The following LMNB2 variants were observed in gnomAD, a reference collection of about 807,000 sequenced individuals.
The protein encoded by LMNB2 is lamin B2.
LMNB2 carries 17 observed loss-of-function variants against 69.3 expected under a neutral mutation model. The observed-to-expected ratio is 0.25, with a 90% confidence interval of 0.17 to 0.37. The LOEUF (loss-of-function observed/expected upper bound fraction) is 0.37, where lower values mean the gene tolerates loss of function less well. Among genes scored for constraint, LMNB2 ranks in the 10% least tolerant of loss-of-function variants. The pLI, the probability that LMNB2 is intolerant of heterozygous loss-of-function variation, is 1.00. For synonymous variants in LMNB2, 397 were observed against 389.3 expected (o/e 1.02, Z -0.23); for missense variants, 789 against 883.6 (o/e 0.89, Z 1.36).
intron 1 of LMNB2, among the ~76,000 whole-genome samples, chr19:2,455,620 G>A (rs1423568028): frequency 6.6e-6 from 1 of 151,836 alleles, no homozygotes; most frequent in Non-Finnish European, 1.5e-5. Flanking sequence ...CTCAGGACAC[G>A]GAAGATCTCC....
rs981107632 is a variant in LMNB2, at chr19:2,453,906, C to A, written c.264+2764G>T. ...CCCTGCACGCCACGGGTCCAGCAGG[C>A]GGCCTCTAAGTTGGGACAACTCCGC... is the stretch of plus-strand genomic sequence containing the variant. On this transcript the variant is annotated intron_variant, in intron 1 of 11. Coordinates refer to ENST00000325327, the MANE Select transcript of LMNB2 (RefSeq NM_032737.4). This position sits in a 1 kb window ranked among gnomAD's most constrained non-coding sequence, Gnocchi z 4.4. Among the ~76,000 whole-genome samples, 1 of 152,172 alleles carries A rather than the reference C, an allele frequency of 6.6e-6. No homozygotes were observed. Among genetic ancestry groups the A allele is most frequent in the Non-Finnish European group, 1.5e-5 (1 of 68,026 alleles).
chr19:2,431,102 C>G lies in LMNB2; in HGVS notation c.1822-150G>C, dbSNP rs188023321. 115 of 701,906 alleles carry G rather than the reference C, an allele frequency of 1.6e-4. No individual in the cohort carries two copies. The African/African-American group carries it at 1.9e-3, about 12-fold the overall frequency. The allele number at this position is 701,906 out of a possible 1,614,324, so 43.5% of individuals were successfully genotyped here. ...AGCCTTCCATTCCACTTCCATGTCC[C>G]CATGAGCCCGCCTGTGAGCTACACA... On this transcript the variant is annotated intron_variant, in intron 11 of 11. Transcript: ENST00000325327.
At position 2,453,755 on chromosome 19, in the gene LMNB2, C is replaced by T. The variant is rs747099453; in HGVS notation, c.264+2915G>A. On this transcript the variant is annotated intron_variant, in intron 1 of 11. Transcript: ENST00000325327. This position sits in a 1 kb window ranked among gnomAD's most constrained non-coding sequence, Gnocchi z 4.4. Reference sequence around the variant, plus strand: ...GCACAGGGCCGGTCCAATGGGGCGTCCAGTGGGGCTGGGGCTGGTACCTCC... The same window carrying T: ...GCACAGGGCCGGTCCAATGGGGCGTTCAGTGGGGCTGGGGCTGGTACCTCC... Among the ~76,000 whole-genome samples, 3 of 152,248 alleles carry T rather than the reference C, an allele frequency of 2.0e-5. No homozygotes were observed. The highest frequency in any genetic ancestry group is 4.4e-5 in the Non-Finnish European group (3 of 68,004).
At position 2,431,765 on chromosome 19, in the gene LMNB2, C is replaced by CA. The variant is rs770512914; in HGVS notation, c.1710+17dup. 1 of 1,613,516 alleles carries CA rather than the reference C, an allele frequency of 6.2e-7. No homozygotes were observed. Among genetic ancestry groups the CA allele is most frequent in the Non-Finnish European group, 8.5e-7 (1 of 1,179,850 alleles). On this transcript the variant is annotated intron_variant, in intron 10 of 11. Coordinates refer to ENST00000325327, the MANE Select transcript of LMNB2 (RefSeq NM_032737.4). ...CCCAGGACTCCAGCCGAGCACCCCC[C>CA]AAGCCACACACACCCACCTCGCCAT...
chr19:2,456,537 C>A (rs1476956940), intron 1 of LMNB2, 133 bp downstream of exon 1: 4 of 996,664 alleles, frequency 4.0e-6, no homozygotes, highest in Middle Eastern at 3.8e-4. Context: ...CCCCCCGAAA[C>A]CCCGCGGAAA....
rs2145475798 is a variant in LMNB2, at chr19:2,453,816, C to G, written c.264+2854G>C. On this transcript the variant is annotated intron_variant, in intron 1 of 11. Coordinates refer to ENST00000325327, the MANE Select transcript of LMNB2 (RefSeq NM_032737.4). This position sits in a 1 kb window ranked among gnomAD's most constrained non-coding sequence, Gnocchi z 4.4. ...CCAGGCCCTGCACCCTCAAAGCTCC[C>G]TGCAGCTGTTCGTCCCATTGGCAGG... Among the ~76,000 whole-genome samples, 1 of 152,284 alleles carries G rather than the reference C, an allele frequency of 6.6e-6. No individual in the cohort carries two copies. The highest frequency in any genetic ancestry group is 1.5e-5 in the Non-Finnish European group (1 of 68,024).
At chr19:2,442,721 T>C (rs568511798) in intron 2 of LMNB2, among the ~76,000 whole-genome samples, 1 of 152,216 alleles carries the variant, frequency 6.6e-6, no homozygotes, top group Non-Finnish European at 1.5e-5. Flanking sequence ...AGCTCCAGCC[T>C]AGGCAACAGA....
chr19:2,434,084 T>TGGGCTGGGGGACAGCTTC lies in LMNB2; in HGVS notation c.1206_1223dup (p.Lys403_Pro408dup). ...CTCGTGAGACGGTGACGCGCGAGGA[T>TGGGCTGGGGGACAGCTTC]GGGCTGGGGGACAGCTTCAGCCTGT... On this transcript the variant is annotated inframe_insertion, in exon 8 of 12. Transcript: ENST00000325327. 5.0e-6 allele frequency: 8 copies of TGGGCTGGGGGACAGCTTC among 1,592,388 alleles called. No individual in the cohort carries two copies. The highest frequency in any genetic ancestry group is 6.0e-6 in the Non-Finnish European group (7 of 1,171,398).
In LMNB2 at chr19:2,449,536, T is replaced by C. The variant is rs967681181; in HGVS notation, c.265-4996A>G. ...GGTGCATGCCTGAAATCCCAGCACT[T>C]TGGGAGGCTGAGGCGGGCGAATTAC... is the stretch of plus-strand genomic sequence containing the variant. On this transcript the variant is annotated intron_variant, in intron 1 of 11. Transcript: ENST00000325327. Among the ~76,000 whole-genome samples, 3 of 152,144 alleles carry C rather than the reference T, an allele frequency of 2.0e-5. No individual in the cohort carries two copies. In the East Asian group the frequency reaches 5.8e-4, roughly 29 times the overall value.
rs2145475605 is a variant in LMNB2, at chr19:2,453,685, T to C, written c.264+2985A>G. Among the ~76,000 whole-genome samples the C allele has an allele frequency of 6.6e-6, 1 of 152,238 alleles. No homozygotes were observed. Among genetic ancestry groups the C allele is most frequent in the African/African-American group, 2.4e-5 (1 of 41,544 alleles). Reference sequence around the variant, plus strand: ...CCTGAGTGAACTGAGTTGTAAAGGATGCTGCTGCGGCCCCGAGAGGTGGCT... The same window carrying C: ...CCTGAGTGAACTGAGTTGTAAAGGACGCTGCTGCGGCCCCGAGAGGTGGCT... On this transcript the variant is annotated intron_variant, in intron 1 of 11. Coordinates refer to ENST00000325327, the MANE Select transcript of LMNB2 (RefSeq NM_032737.4). This position sits in a 1 kb window ranked among gnomAD's most constrained non-coding sequence, Gnocchi z 4.4.
rs975447866 is a variant in LMNB2, at chr19:2,441,242, G to A, written c.402-2711C>T. Among the ~76,000 whole-genome samples the A allele has an allele frequency of 2.0e-5, 3 of 152,260 alleles. No individual in the cohort carries two copies. The East Asian group carries it at 5.8e-4, about 29-fold the overall frequency. On this transcript the variant is annotated intron_variant, in intron 2 of 11. Coordinates refer to ENST00000325327, the MANE Select transcript of LMNB2 (RefSeq NM_032737.4). The stretch of plus-strand genomic sequence containing the variant: ...ATCCGTGCCGGGTACCCTGAATCCC[G>A]GGTCTGGCTCCGGTTGTGTCCCGCC...
chr19:2,442,484 G>A (rs543383902), intron 2 of LMNB2, among the ~76,000 whole-genome samples: 9 of 152,220 alleles, frequency 5.9e-5, no homozygotes, highest in East Asian at 1.9e-4. Flanking sequence ...CAGGAGAATC[G>A]TTTGAATTTG....
rs892147530 is a variant in LMNB2 at position 2,456,929 on chromosome 19, C to A, written c.5G>T (p.Ser2Ile). 1.6e-5 allele frequency: 16 copies of A among 991,282 alleles called. No individual in the cohort carries two copies. In the Admixed American group the frequency reaches 6.8e-4, roughly 42 times the overall value. 61.4% of individuals were successfully genotyped at this position (991,282 alleles called of 1,614,324 possible). The change falls in exon 1 of 12, where the codon AGC (serine) becomes ATC (isoleucine). Residue 2 changes from serine to isoleucine, a missense_variant. By Grantham distance (142) the Ser-to-Ile change is moderately radical. This residue lies in a region of LMNB2 where 35 missense variants were observed against 23.9 expected (regional missense o/e 1.47). Coordinates refer to ENST00000325327, the MANE Select transcript of LMNB2 (RefSeq NM_032737.4). ...CCGACGGCGGCCCGGGCTCGGCGGG[C>A]TCATTCAATCCGCGCCGCCGGCTGC... The part of the protein sequence containing the change: M[S>I]PPSPGRRREQ...
rs540447845 is a variant in LMNB2, at chr19:2,437,052, G to GC, written c.684+1110dup. The GC allele has an allele frequency of 2.2e-3, 338 of 152,416 alleles. 2 individuals are homozygous for GC. The highest frequency in any genetic ancestry group is 0.011 in the South Asian group (55 of 4,818). 9.4% of individuals were successfully genotyped at this position (152,416 alleles called of 1,614,324 possible). A position where few individuals can be genotyped will look rare whatever the true frequency, so the allele number is the denominator to read the frequency against. Reference sequence around the variant, plus strand: ...CGGCCTCCCCTCTGGCTCCTGTGGGGCCCCCCCCACTCCCTGGGCCTGGCC... The same window carrying GC: ...CGGCCTCCCCTCTGGCTCCTGTGGGGCCCCCCCCCACTCCCTGGGCCTGGCC... On this transcript the variant is annotated intron_variant, in intron 4 of 11. Transcript: ENST00000325327.
In LMNB2 at chr19:2,430,523, A is replaced by G; in HGVS notation, c.*388T>C. 2 of 326,148 alleles carry G rather than the reference A, an allele frequency of 6.1e-6. No homozygotes were observed. Among genetic ancestry groups the G allele is most frequent in the South Asian group, 5.4e-5 (2 of 36,904 alleles). The allele number at this position is 326,148 out of a possible 1,614,324, so 20.2% of individuals were successfully genotyped here. On this transcript the variant is annotated 3_prime_UTR_variant, in exon 12 of 12. Transcript: ENST00000325327. ...TTTGTAGAAAGCCTTAAAAAAACCCACCACCACTGAATTCCTACGCAGTTT... is the reference window on the plus strand; with the variant it reads ...TTTGTAGAAAGCCTTAAAAAAACCCGCCACCACTGAATTCCTACGCAGTTT...
Position 2,434,323 on chromosome 19 carries a change from G to T in LMNB2, c.1174C>A (p.Arg392=). The change falls in exon 7 of 12, where the codon CGG becomes AGG. Residue 392 remains arginine (R), a synonymous_variant. Coordinates refer to ENST00000325327, the MANE Select transcript of LMNB2 (RefSeq NM_032737.4). ...LALDMEINAY[R]KLLEGEEERL... ...TCCTCCTCGCCCTCCAGGAGCTTCC[G>T]GTAGGCGTTGATCTCCATGTCCAGG... 2 of 1,612,992 alleles carry T rather than the reference G, an allele frequency of 1.2e-6. No individual in the cohort carries two copies. Among genetic ancestry groups the T allele is most frequent in the Non-Finnish European group, 1.7e-6 (2 of 1,179,960 alleles).
Position 2,433,966 on chromosome 19 carries a change from C to A in LMNB2, c.1342G>T (p.Gly448Cys), listed in dbSNP as rs376707935. 246 of 1,611,100 alleles carry A rather than the reference C, an allele frequency of 1.5e-4. No homozygotes were observed. Among genetic ancestry groups the A allele is most frequent in the Non-Finnish European group, 2.0e-4 (240 of 1,179,580 alleles). The change falls in exon 8 of 12, where the codon GGC (glycine) becomes TGC (cysteine). Residue 448 changes from glycine (G) to cysteine (C), a missense_variant. Transcript: ENST00000325327. ...RLEVEEPLGS[G>C]PSVLGTGTGG... ...GTGCCCGTGCCCAGGACGCTTGGGC[C>A]GCTGCCCAAGGGCTCCTCCACCTCC...
At chr19:2,446,574 A>G (rs1971958555) in intron 1 of LMNB2, among the ~76,000 whole-genome samples, 2 of 152,186 alleles carry the variant, frequency 1.3e-5, no homozygotes, top group Admixed American at 6.5e-5. Flanking sequence ...CCATGCACTC[A>G]GTGAGTTTAA....
At position 2,430,624 on chromosome 19, in the gene LMNB2, C is replaced by T; in HGVS notation, c.*287G>A. On this transcript the variant is annotated 3_prime_UTR_variant, in exon 12 of 12. Transcript: ENST00000325327. Reference sequence around the variant, plus strand: ...CGGCCCTCCTCCCTCCAAGCCCAAGCATCTTCTAAACCTCCGGGTCCTGGC... The same window carrying T: ...CGGCCCTCCTCCCTCCAAGCCCAAGTATCTTCTAAACCTCCGGGTCCTGGC... 1 of 515,948 alleles carries T rather than the reference C, an allele frequency of 1.9e-6. No individual in the cohort carries two copies. The highest frequency in any genetic ancestry group is 3.6e-5 in the East Asian group (1 of 27,950). 32.0% of individuals were successfully genotyped at this position (515,948 alleles called of 1,614,324 possible).
Sources: allele counts gnomAD v4.1 joint callset (sites outside exome capture counted in the v4.1 genomes callset), GRCh38; gene constraint gnomAD v4.1.1; regional missense constraint gnomAD v4.1.1; non-coding constraint Gnocchi (gnomAD v3.1); transcripts MANE v1.5; gene names NCBI Gene and HGNC (gene_info 2026-07-23, HGNC 2026-07-21).